The following SLC7A6 variants were observed in gnomAD, a reference collection of about 807,000 sequenced individuals.
SLC7A6 encodes Y+L amino acid transporter 2.
A neutral mutation model predicts 46.6 loss-of-function variants in SLC7A6; 29 were observed. The observed-to-expected ratio is 0.62, with a 90% CI of 0.46 to 0.85. SLC7A6 has a LOEUF of 0.85. Ranked by LOEUF, SLC7A6 falls within the 40% of genes least tolerant of loss-of-function variation. The probability of loss-of-function intolerance (pLI) is 0.00; values close to 1 mark genes in which losing one functional copy is unlikely to be tolerated. For missense variants in SLC7A6, 527 were observed against 647.6 expected (o/e 0.81, Z 2.02); for synonymous variants, 276 against 257.3 (o/e 1.07, Z -0.70).
At position 68,291,322 on chromosome 16, in the gene SLC7A6, C is replaced by T; in HGVS notation, c.908C>T (p.Ala303Val). 1 of 1,614,108 alleles carries T rather than the reference C, an allele frequency of 6.2e-7. No homozygotes were observed. Among genetic ancestry groups the T allele is most frequent in the Non-Finnish European group, 8.5e-7 (1 of 1,179,956 alleles). Residue 303 changes from alanine to valine, a missense_variant, in exon 6 of 11, where the codon GCT (alanine) becomes GTT (valine). By Grantham distance (64) the Ala-to-Val change is moderately conservative. Coordinates refer to ENST00000219343, the MANE Select transcript of SLC7A6 (RefSeq NM_003983.6). ...ATTTCAGATGTCCTTAGCAGTGATGCTGTGGCTGTGGTGAGTCTCTTGGGA... is the reference window on the plus strand; with the variant it reads ...ATTTCAGATGTCCTTAGCAGTGATGTTGTGGCTGTGGTGAGTCTCTTGGGA... ...LNISDVLSSDAVAVTFADQTF... is the reference protein window; with the variant it reads ...LNISDVLSSDVVAVTFADQTF...
intron 10 of SLC7A6, 36 bp from the exon 11 acceptor site, chr16:68,297,198 T>G (rs1463655902): frequency 6.3e-7 from 1 of 1,599,874 alleles, no homozygotes. Context: ...TAGCTAGATG[T>G]TTACTAAACC....
chr16:68,287,083 C>T (rs1180330222), intron 3 of SLC7A6, among the ~76,000 whole-genome samples: 1 of 151,210 alleles, frequency 6.6e-6, no homozygotes, highest in African/African-American at 2.4e-5. Context: ...GCTCAAGCGA[C>T]CCTCCCTCCT....
chr16:68,290,224 C>T, intron 4 of SLC7A6, 172 bp from the exon 5 acceptor site: 1 of 635,496 alleles, frequency 1.6e-6, no homozygotes, highest in Non-Finnish European at 2.6e-6. Flanking sequence ...TTTCTTTCCC[C>T]TGCCTTCTTG....
chr16:68,266,485 C>T (rs2042536253), intron 1 of SLC7A6, 108 bp from the exon 2 acceptor site: 1 of 152,062 alleles, frequency 6.6e-6, no homozygotes, highest in Non-Finnish European at 1.5e-5. Flanking sequence ...CATTCTGCTG[C>T]TTTCTTGGTT....
chr16:68,275,445 T>C (rs1226833008), intron 3 of SLC7A6, among the ~76,000 whole-genome samples, 196 bp downstream of exon 3: 1 of 151,330 alleles, frequency 6.6e-6, no homozygotes, highest in Admixed American at 6.6e-5. Context: ...AAAAAACAAA[T>C]ATAGCTGGGC....
chr16:68,291,686 A>G (rs1161160631), intron 7 of SLC7A6, 25 bp downstream of exon 7: 1 of 1,585,662 alleles, frequency 6.3e-7, no homozygotes, highest in East Asian at 2.2e-5. Flanking sequence ...TGTCACTGAT[A>G]ATAGACCACA....
At chr16:68,294,619 C>T in intron 7 of SLC7A6, 86 bp from the exon 8 acceptor site, 1 of 980,094 alleles carries the variant, frequency 1.0e-6, no homozygotes, top group Admixed American at 1.8e-5. Context: ...CTCGGGGGCT[C>T]TGAGCTGAGT....
intron 3 of SLC7A6, among the ~76,000 whole-genome samples, chr16:68,280,206 G>C (rs1450490141): frequency 2.0e-5 from 3 of 152,164 alleles, no homozygotes; most frequent in Non-Finnish European, 4.4e-5. Context: ...CTGAATCTAG[G>C]GTAAGACTTC....
At chr16:68,287,668 A>G in intron 3 of SLC7A6, 78 bp from the exon 4 acceptor site, 1 of 1,566,354 alleles carries the variant, frequency 6.4e-7, no homozygotes, top group Non-Finnish European at 8.7e-7. Context: ...GGGCAGAAAG[A>G]GTGCTCTCTG....
chr16:68,267,037 C>T (rs968216714), intron 2 of SLC7A6, among the ~76,000 whole-genome samples: 6 of 151,732 alleles, frequency 4.0e-5, no homozygotes, highest in African/African-American at 1.5e-4. Context: ...TGGATTCAAG[C>T]GATTCTCCTG....
At position 68,301,293 on chromosome 16, in the gene SLC7A6, G is replaced by T. The variant is rs778022325; in HGVS notation, c.*3965G>T. ...AAGACCATCAGTCTGAATCCAGGTC[G>T]TGGGGGCTGTCATAGCCGAACTCCT... is the stretch of plus-strand genomic sequence containing the variant. On this transcript the variant is annotated 3_prime_UTR_variant, in exon 11 of 11. Transcript: ENST00000219343. 1 of 1,613,938 alleles carries T rather than the reference G, an allele frequency of 6.2e-7. No individual in the cohort carries two copies. Among genetic ancestry groups the T allele is most frequent in the African/African-American group, 1.3e-5 (1 of 74,932 alleles).
At chr16:68,271,888 G>A (rs369772342) in intron 2 of SLC7A6, among the ~76,000 whole-genome samples, 12 of 151,464 alleles carry the variant, frequency 7.9e-5, no homozygotes, top group African/African-American at 2.9e-4. Context: ...TGCAACCTCC[G>A]CCTCCCAGGT....
At chr16:68,286,790 A>G (rs1011779673) in intron 3 of SLC7A6, among the ~76,000 whole-genome samples, 1 of 151,958 alleles carries the variant, frequency 6.6e-6, no homozygotes, top group Non-Finnish European at 1.5e-5. Flanking sequence ...CTTCATTGAG[A>G]ATTGGGAGGT....
At position 68,300,160 on chromosome 16, in the gene SLC7A6, C is replaced by CTAAT. The variant is rs2043245063; in HGVS notation, c.*2835_*2838dup. 1 of 152,216 alleles carries CTAAT rather than the reference C, an allele frequency of 6.6e-6. No homozygotes were observed. Among genetic ancestry groups the CTAAT allele is most frequent in the Admixed American group, 6.5e-5 (1 of 15,278 alleles). 9.4% of individuals were successfully genotyped at this position (152,216 alleles called of 1,614,324 possible). On this transcript the variant is annotated 3_prime_UTR_variant, in exon 11 of 11. Transcript: ENST00000219343. ...TGCAACAGCTACTAGCCACGTGTAG[C>CTAAT]TAATTACATTAAAATGAAATAAAAT...
rs1165671231 is a variant in SLC7A6, at chr16:68,286,091, C to CAAA, written c.524-1634_524-1632dup. 2.3e-3 allele frequency among the ~76,000 whole-genome samples: 98 copies of CAAA among 42,464 alleles called. 1 individual carries two copies. Among genetic ancestry groups the CAAA allele is most frequent in the Middle Eastern group, 0.012 (1 of 84 alleles). The allele number at this position is 42,464 out of a possible 152,430, so 27.9% of individuals were successfully genotyped here. A position where few individuals can be genotyped will look rare whatever the true frequency, so the allele number is the denominator to read the frequency against. ...TGGGTGACAGAGCAAGACCCTGTCT[C>CAAA]AAAAAAAAAAAAAAAAAAAAAAAGA... On this transcript the variant is annotated intron_variant, in intron 3 of 10. Coordinates refer to ENST00000219343, the MANE Select transcript of SLC7A6 (RefSeq NM_003983.6).
Position 68,278,619 on chromosome 16 carries a change from C to T in SLC7A6, c.523+3370C>T, listed in dbSNP as rs527441325. On this transcript the variant is annotated intron_variant, in intron 3 of 10. Transcript: ENST00000219343. ...ACACAGCACATGTTTCAGAGAGCACCGGGTTGGGGGTAAGGTCATAGATCA... is the reference window on the plus strand; with the variant it reads ...ACACAGCACATGTTTCAGAGAGCACTGGGTTGGGGGTAAGGTCATAGATCA... Among the ~76,000 whole-genome samples the T allele has an allele frequency of 5.5e-3, 798 of 144,722 alleles. 8 individuals are homozygous for T. The highest frequency in any genetic ancestry group is 0.019 in the African/African-American group (723 of 38,982). The allele number at this position is 144,722 out of a possible 152,430, so 94.9% of individuals were successfully genotyped here.
intron 2 of SLC7A6, 73 bp from the exon 3 acceptor site, chr16:68,274,618 G>A (rs2042676630): frequency 7.7e-7 from 1 of 1,301,794 alleles, no homozygotes; most frequent in African/African-American, 1.5e-5. Flanking sequence ...ATAGGAAGTG[G>A]GCAGGGAAAT....
At chr16:68,278,062 T>C (rs2042748750) in intron 3 of SLC7A6, among the ~76,000 whole-genome samples, 1 of 152,124 alleles carries the variant, frequency 6.6e-6, no homozygotes, top group Admixed American at 6.5e-5. Flanking sequence ...GTTCAAGAGA[T>C]TCTCCTGCCT....
chr16:68,277,305 G>A (rs1322577084), intron 3 of SLC7A6, among the ~76,000 whole-genome samples: 1 of 59,532 alleles, frequency 1.7e-5, no homozygotes, highest in Non-Finnish European at 3.3e-5. Flanking sequence ...CAAGCTGGTC[G>A]AGAAGAGTAC....
Sources: allele counts gnomAD v4.1 joint callset (sites outside exome capture counted in the v4.1 genomes callset), GRCh38; gene constraint gnomAD v4.1.1; transcripts MANE v1.5; gene names NCBI Gene and HGNC (gene_info 2026-07-23, HGNC 2026-07-21).